The following ARHGEF12 variants were observed in gnomAD, a reference collection of about 807,000 sequenced individuals.
ARHGEF12 encodes Rho guanine nucleotide exchange factor 12.
A neutral mutation model predicts 211.2 loss-of-function variants in ARHGEF12; 66 were observed. The observed-to-expected ratio is 0.31, with a 90% CI of 0.26 to 0.38. The LOEUF (loss-of-function observed/expected upper bound fraction) is 0.38. ARHGEF12 is among the 10% of genes least tolerant of loss of function. The probability of loss-of-function intolerance (pLI) is 1.00; values close to 1 mark genes in which losing one functional copy is unlikely to be tolerated. For missense variants in ARHGEF12, 1,429 were observed against 1,869.5 expected (o/e 0.76, Z 4.34); for synonymous variants, 592 against 638.4 (o/e 0.93, Z 1.09).
At position 120,485,911 on chromosome 11, in the gene ARHGEF12, G is replaced by A. The variant is rs1468262498; in HGVS notation, c.*834G>A. On this transcript the variant is annotated 3_prime_UTR_variant, in exon 41 of 41. Transcript: ENST00000397843. ...TGAGGGTTGGGATTTGGGTGGGAGAGGAAAGCAAATTTTATTTTCTTGACT... is the reference window on the plus strand; with the variant it reads ...TGAGGGTTGGGATTTGGGTGGGAGAAGAAAGCAAATTTTATTTTCTTGACT... 4 of 233,364 alleles carry A rather than the reference G, an allele frequency of 1.7e-5. No individual in the cohort carries two copies. The highest frequency in any genetic ancestry group is 3.4e-5 in the Non-Finnish European group (4 of 117,940). 14.5% of individuals were successfully genotyped at this position (233,364 alleles called of 1,614,324 possible). A position where few individuals can be genotyped will look rare whatever the true frequency, so the allele number is the denominator to read the frequency against.
rs1017727220 is a variant in ARHGEF12 at position 120,449,273 on chromosome 11, G to C, written c.1843+59G>C. 3.1e-6 allele frequency: 4 copies of C among 1,301,726 alleles called. No homozygotes were observed. The African/African-American group carries it at 4.5e-5, about 14-fold the overall frequency. 80.6% of individuals were successfully genotyped at this position (1,301,726 alleles called of 1,614,324 possible). ...ACTCCAGGCCCTCTTCACATCAGAG[G>C]CTTCTTCAGCTAGAATGAATTTCTG... On this transcript the variant is annotated intron_variant, in intron 21 of 40. Coordinates refer to ENST00000397843, the MANE Select transcript of ARHGEF12 (RefSeq NM_015313.3).
At chr11:120,374,198 A>G (rs1943665022) in intron 1 of ARHGEF12, among the ~76,000 whole-genome samples, 1 of 152,142 alleles carries the variant, frequency 6.6e-6, no homozygotes, top group Non-Finnish European at 1.5e-5. Flanking sequence ...TCCTTTCCCT[A>G]TGATCATTTC....
intron 37 of ARHGEF12, 48 bp downstream of exon 37, chr11:120,478,437 T>C (rs369028513): frequency 8.9e-5 from 128 of 1,438,928 alleles, no homozygotes; most frequent in Non-Finnish European, 1.1e-4. Flanking sequence ...AGTATGACAC[T>C]CATGTGCCAT....
intron 7 of ARHGEF12, among the ~76,000 whole-genome samples, chr11:120,424,962 G>A (rs1345062931): frequency 2.0e-5 from 3 of 152,108 alleles, no homozygotes; most frequent in Non-Finnish European, 2.9e-5. Context: ...AATCTTTAGG[G>A]TTAAGAATTT....
chr11:120,396,664 A>G (rs1944399923), intron 1 of ARHGEF12, among the ~76,000 whole-genome samples: 1 of 152,246 alleles, frequency 6.6e-6, no homozygotes, highest in East Asian at 1.9e-4. Context: ...TATAAAAATT[A>G]TTACAAAATA....
Position 120,445,445 on chromosome 11 carries a change from T to A in ARHGEF12, c.1326T>A (p.Asp442Glu). The A allele has an allele frequency of 6.2e-7, 1 of 1,614,178 alleles. No homozygotes were observed. Residue 442 changes from aspartate to glutamate, a missense_variant, in exon 16 of 41, where the codon GAT becomes GAA. Physicochemically the swap from Asp to Glu is conservative, Grantham distance 45. This residue lies in a region of ARHGEF12 where 373 missense variants were observed against 467.5 expected (regional missense o/e 0.80). Transcript: ENST00000397843. ...AGCACCTGAAAGTTTCTGTTCCTGATGAAATGTCTGCAGATCTAGGTAAGC... is the reference window on the plus strand; with the variant it reads ...AGCACCTGAAAGTTTCTGTTCCTGAAGAAATGTCTGCAGATCTAGGTAAGC... ...RSAHLKVSVPDEMSADLEKRR... is the reference protein window; with the variant it reads ...RSAHLKVSVPEEMSADLEKRR...
At chr11:120,442,015 T>G in intron 14 of ARHGEF12, 89 bp from the exon 15 acceptor site, 5 of 960,632 alleles carry the variant, frequency 5.2e-6, no homozygotes, top group Non-Finnish European at 7.8e-6. Flanking sequence ...GACCTACCTG[T>G]TCCAGACATT....
Position 120,429,841 on chromosome 11 carries a change from C to T in ARHGEF12, c.783+10C>T. On this transcript the variant is annotated intron_variant, in intron 10 of 40. Coordinates refer to ENST00000397843, the MANE Select transcript of ARHGEF12 (RefSeq NM_015313.3). ...CACAGGCTCTGCTCAGGTAGCATCACTATTACAAGTGCTACCCAACTTTTT... is the reference window on the plus strand; with the variant it reads ...CACAGGCTCTGCTCAGGTAGCATCATTATTACAAGTGCTACCCAACTTTTT... 6.2e-7 allele frequency: 1 copy of T among 1,600,826 alleles called. No homozygotes were observed. The highest frequency in any genetic ancestry group is 8.5e-7 in the Non-Finnish European group (1 of 1,175,776).
chr11:120,436,360 G>C (rs1191354639), intron 11 of ARHGEF12, among the ~76,000 whole-genome samples: 2 of 152,114 alleles, frequency 1.3e-5, no homozygotes, highest in African/African-American at 4.8e-5. Context: ...AAATATCTGT[G>C]ATACCACCAA....
intron 15 of ARHGEF12, 43 bp from the exon 16 acceptor site, chr11:120,445,377 AAT>A (rs1360746232): frequency 6.2e-7 from 1 of 1,604,740 alleles, no homozygotes; most frequent in Non-Finnish European, 8.5e-7. Flanking sequence ...TACATCTTCA[AAT>A]ATCTTTAGCG....
At chr11:120,475,640 T>TAGTA in intron 33 of ARHGEF12, 133 bp downstream of exon 33, 1 of 932,734 alleles carries the variant, frequency 1.1e-6, no homozygotes, top group South Asian at 2.1e-5. Flanking sequence ...TTACATGAAA[T>TAGTA]TTACTGCTTA....
intron 1 of ARHGEF12, among the ~76,000 whole-genome samples, chr11:120,347,812 T>G (rs61246948): frequency 3.3e-5 from 5 of 152,118 alleles, no homozygotes; most frequent in South Asian, 2.1e-4. Context: ...ATTCTTTTTT[T>G]GGGGGGATTG....
intron 28 of ARHGEF12, 40 bp downstream of exon 28, chr11:120,465,402 G>T (rs367674686): frequency 6.2e-7 from 1 of 1,609,558 alleles, no homozygotes; most frequent in Non-Finnish European, 8.5e-7. Context: ...AATAAGGCAA[G>T]TTTTTATCAA....
At chr11:120,430,272 AGGTTACTTAT>A (rs1324615334) in intron 10 of ARHGEF12, among the ~76,000 whole-genome samples, 1 of 152,130 alleles carries the variant, frequency 6.6e-6, no homozygotes, top group Non-Finnish European at 1.5e-5. Context: ...AACATCTCTG[AGGTTACTTAT>A]GGTTGTTTTC....
intron 36 of ARHGEF12, 99 bp downstream of exon 36, chr11:120,477,625 G>GATTAC: frequency 1.7e-6 from 2 of 1,174,282 alleles, no homozygotes; most frequent in South Asian, 1.3e-5. Context: ...AGTGCTTTGG[G>GATTAC]AGGTCGAGAT....
intron 30 of ARHGEF12, among the ~76,000 whole-genome samples, chr11:120,471,715 G>A (rs182919359): frequency 6.6e-6 from 1 of 152,296 alleles, no homozygotes; most frequent in East Asian, 1.9e-4. Flanking sequence ...AAGATGGACT[G>A]ATGGATAGAG....
At chr11:120,473,901 G>T (rs1265565235) in intron 31 of ARHGEF12, among the ~76,000 whole-genome samples, 1 of 152,154 alleles carries the variant, frequency 6.6e-6, no homozygotes, top group African/African-American at 2.4e-5. Flanking sequence ...AAGTGTTTTT[G>T]TACCATTTCA....
intron 1 of ARHGEF12, among the ~76,000 whole-genome samples, chr11:120,397,491 G>A (rs776661134): frequency 6.6e-6 from 1 of 152,120 alleles, no homozygotes; most frequent in Admixed American, 6.5e-5. Flanking sequence ...AAGGATATTT[G>A]TTATAACATT....
At position 120,392,842 on chromosome 11, in the gene ARHGEF12, A is replaced by G. The variant is rs568016966; in HGVS notation, c.33-13276A>G. Among the ~76,000 whole-genome samples the G allele has an allele frequency of 2.0e-4, 31 of 152,310 alleles. 1 individual carries two copies. The South Asian group carries it at 6.2e-3, about 31-fold the overall frequency. On this transcript the variant is annotated intron_variant, in intron 1 of 40. Transcript: ENST00000397843. ...AATACTTTCATAGATGCCACCAGTG[A>G]ACTTTGTTTCTACTTTTATTGGCTT...
Sources: gnomAD v4.1 joint callset for allele counts (sites outside exome capture counted in the v4.1 genomes callset) on GRCh38, gnomAD v4.1.1 for gene constraint, gnomAD v4.1.1 regional missense constraint, MANE v1.5 for transcripts, NCBI Gene and HGNC (gene_info 2026-07-23, HGNC 2026-07-21) for gene names.